MATN2: variants seen among roughly 807,000 people sequenced by gnomAD.
MATN2 encodes the protein matrilin 2.
In MATN2, 69 loss-of-function variants were observed where a neutral mutation model predicts 103.2. The ratio of observed to expected loss-of-function variants is 0.67; its 90% CI spans 0.55 to 0.82. MATN2 has a LOEUF of 0.82. Ranked by LOEUF, MATN2 falls within the 40% of genes least tolerant of loss-of-function variation. The pLI, the probability that MATN2 is intolerant of heterozygous loss-of-function variation, is 0.00. For synonymous variants in MATN2, 429 were observed against 450.2 expected, an observed-to-expected ratio of 0.95 and a Z score of 0.60; for missense variants, 1,023 against 1,211.5, an observed-to-expected ratio of 0.84 and a Z score of 2.31.
chr8:97,991,651 G>A (rs1041133124), intron 6 of MATN2, among the ~76,000 whole-genome samples: 3 of 151,992 alleles, frequency 2.0e-5, no homozygotes, highest in Non-Finnish European at 4.4e-5. Context: ...GAACCCGGGA[G>A]GCGGAGATTG....
chr8:98,029,916 T>C (rs1022524779), intron 14 of MATN2, among the ~76,000 whole-genome samples: 3 of 152,240 alleles, frequency 2.0e-5, no homozygotes, highest in Admixed American at 2.0e-4. Flanking sequence ...TTCTTTTTCC[T>C]GACTTTAGGG....
At chr8:98,028,137 T>C (rs1035386821) in intron 14 of MATN2, among the ~76,000 whole-genome samples, 1 of 152,206 alleles carries the variant, frequency 6.6e-6, no homozygotes, top group Non-Finnish European at 1.5e-5. Flanking sequence ...CGCCTAGATA[T>C]ACACAATAGT....
chr8:97,901,661 G>C (rs1224041539), intron 2 of MATN2, among the ~76,000 whole-genome samples: 2 of 152,200 alleles, frequency 1.3e-5, no homozygotes, highest in Non-Finnish European at 2.9e-5. Context: ...TGGGTGCCAA[G>C]GATACTGCAG....
In MATN2 at chr8:97,975,328, T is replaced by A. The variant is rs114896117; in HGVS notation, c.959-3558T>A. 8.8e-3 allele frequency among the ~76,000 whole-genome samples: 1,334 copies of A among 152,308 alleles called. 23 individuals carry two copies. The highest frequency in any genetic ancestry group is 0.029 in the African/African-American group (1,226 of 41,564). ...GAGCCAATTTGGATACTCTATTCTA[T>A]AACATTCTGGAAAAGGGGAAAGTTT... On this transcript the variant is annotated intron_variant, in intron 5 of 18. Transcript: ENST00000254898.
chr8:97,924,723 G>GT (rs3076718), intron 2 of MATN2, among the ~76,000 whole-genome samples: 2,209 of 143,296 alleles, frequency 0.015, 54 homozygotes, highest in African/African-American at 0.052. Context: ...ATTATTAAGT[G>GT]TTTTTTTTTT....
chr8:98,014,333 G>A (rs1041967978), intron 10 of MATN2, among the ~76,000 whole-genome samples: 3 of 152,118 alleles, frequency 2.0e-5, no homozygotes, highest in African/African-American at 7.2e-5. Flanking sequence ...CCATCCAGTT[G>A]TCTATATCAT....
chr8:97,927,729 C>G (rs1321266504), intron 2 of MATN2, among the ~76,000 whole-genome samples: 1 of 152,134 alleles, frequency 6.6e-6, no homozygotes, highest in African/African-American at 2.4e-5. Flanking sequence ...GGAAACTACC[C>G]ATTTGTTTTG....
chr8:97,871,171 T>C (rs755399612), intron 1 of MATN2, among the ~76,000 whole-genome samples: 8 of 152,194 alleles, frequency 5.3e-5, no homozygotes, highest in Non-Finnish European at 8.8e-5. Context: ...TAGTTAAAAG[T>C]GTGGCCTGAG....
chr8:97,952,371 A>C (rs957999520), intron 4 of MATN2: 1 of 152,298 alleles, frequency 6.6e-6, no homozygotes, highest in Non-Finnish European at 1.5e-5. Flanking sequence ...ATTGGTGTCA[A>C]CAGCGTGCAG....
At chr8:97,917,122 C>T (rs189883775) in intron 2 of MATN2, among the ~76,000 whole-genome samples, 1 of 152,230 alleles carries the variant, frequency 6.6e-6, no homozygotes, top group Admixed American at 6.5e-5. Context: ...CCTTGCTACC[C>T]AAAGATGCAC....
rs375151522 is a variant in MATN2, at chr8:97,993,691, A to T, written c.1082-789A>T. 2.0e-4 allele frequency among the ~76,000 whole-genome samples: 30 copies of T among 152,228 alleles called. 2 individuals are homozygous for T. The East Asian group carries it at 4.4e-3, about 23-fold the overall frequency. On this transcript the variant is annotated intron_variant, in intron 6 of 18. Transcript: ENST00000254898. ...ATGAGGTAACCAGGAGGTGTTTTGA[A>T]CTCAGAGTATTTATGCCTTTCACTC...
intron 2 of MATN2, among the ~76,000 whole-genome samples, chr8:97,894,899 G>A (rs534180510): frequency 6.6e-6 from 1 of 150,898 alleles, no homozygotes; most frequent in Non-Finnish European, 1.5e-5. Flanking sequence ...TTGAGACAGA[G>A]TCTTGCTCTG....
At chr8:97,914,928 C>A (rs963437551) in intron 2 of MATN2, among the ~76,000 whole-genome samples, 1 of 152,182 alleles carries the variant, frequency 6.6e-6, no homozygotes, top group Non-Finnish European at 1.5e-5. Flanking sequence ...TCCCCCACCC[C>A]CTATCTTGGG....
chr8:97,993,647 T>G lies in MATN2; in HGVS notation c.1082-833T>G, dbSNP rs1201443353. On this transcript the variant is annotated intron_variant, in intron 6 of 18. Coordinates refer to ENST00000254898, the MANE Select transcript of MATN2 (RefSeq NM_002380.5). Reference sequence around the variant, plus strand: ...GTGAATCTTGAGGTAAAAATCCTATTTATGTGCAGCTGAGCCCAATGAGGT... The same window carrying G: ...GTGAATCTTGAGGTAAAAATCCTATGTATGTGCAGCTGAGCCCAATGAGGT... Among the ~76,000 whole-genome samples, 3 of 152,162 alleles carry G rather than the reference T, an allele frequency of 2.0e-5. No homozygotes were observed. The East Asian group carries it at 5.8e-4, about 29-fold the overall frequency.
intron 17 of MATN2, 76 bp from the exon 18 acceptor site, chr8:98,033,485 T>C: frequency 5.2e-6 from 4 of 775,052 alleles, no homozygotes; most frequent in Non-Finnish European, 6.2e-6. Flanking sequence ...CTCCATATGC[T>C]GATTCATTCC....
At chr8:97,916,242 G>T (rs1809626320) in intron 2 of MATN2, among the ~76,000 whole-genome samples, 1 of 151,928 alleles carries the variant, frequency 6.6e-6, no homozygotes, top group Non-Finnish European at 1.5e-5. Context: ...GCTAATTTTT[G>T]TATTTTTAGT....
rs866933027 is a variant in MATN2, at chr8:98,034,241, A to G, written c.2815+582A>G. The G allele has an allele frequency of 2.4e-5, 11 of 454,064 alleles. No individual in the cohort carries two copies. In the Middle Eastern group the frequency reaches 2.6e-3, roughly 107 times the overall value. 28.1% of individuals were successfully genotyped at this position (454,064 alleles called of 1,614,324 possible). On this transcript the variant is annotated intron_variant, in intron 18 of 18. Coordinates refer to ENST00000254898, the MANE Select transcript of MATN2 (RefSeq NM_002380.5). ...ACCAAGGGAACAGCAGGATCCAATG[A>G]TTCATTTAAACAATATTAAATAAAA...
chr8:97,959,114 C>A (rs1280092853), intron 4 of MATN2, among the ~76,000 whole-genome samples: 1 of 152,214 alleles, frequency 6.6e-6, no homozygotes, highest in South Asian at 2.1e-4. Context: ...TTATCATGTC[C>A]TACCTCGCAT....
chr8:97,889,437 ATCTC>A (rs770695511), intron 2 of MATN2, among the ~76,000 whole-genome samples: 16 of 113,530 alleles, frequency 1.4e-4, no homozygotes, highest in Non-Finnish European at 2.1e-4. Flanking sequence ...GATAAACAAC[ATCTC>A]TCTCTCTCTC....
Sources: gnomAD v4.1 joint callset for allele counts (sites outside exome capture counted in the v4.1 genomes callset) on GRCh38, gnomAD v4.1.1 for gene constraint, MANE v1.5 for transcripts, NCBI Gene and HGNC (gene_info 2026-07-23, HGNC 2026-07-21) for gene names.